The following KCNQ3 variants were observed in gnomAD, a reference collection of about 807,000 sequenced individuals.
The protein encoded by KCNQ3 is potassium voltage-gated channel subfamily KQT member 3.
KCNQ3 carries 30 observed loss-of-function variants against 92.5 expected under a neutral mutation model. The ratio of observed to expected loss-of-function variants is 0.32; its 90% confidence interval spans 0.24 to 0.44. The LOEUF (loss-of-function observed/expected upper bound fraction) is 0.44, where lower values mean the gene tolerates loss of function less well. KCNQ3 is among the 20% of genes least tolerant of loss of function. The pLI, the probability that KCNQ3 is intolerant of heterozygous loss-of-function variation, is 1.00. For synonymous variants in KCNQ3, 450 were observed against 468.8 expected (o/e 0.96, Z 0.52); for missense variants, 913 against 1,140.3 (o/e 0.80, Z 2.87).
intron 1 of KCNQ3, among the ~76,000 whole-genome samples, chr8:132,209,544 A>ACACACAC (rs1554631921): frequency 1.2e-3 from 158 of 135,458 alleles, no homozygotes; most frequent in Middle Eastern, 3.6e-3. Flanking sequence ...CACACACACA[A>ACACACAC]ACACACACAC....
intron 1 of KCNQ3, among the ~76,000 whole-genome samples, chr8:132,205,122 C>T (rs1241402631): frequency 1.3e-5 from 2 of 152,158 alleles, no homozygotes; most frequent in Admixed American, 6.5e-5. Context: ...TCTTCAAGAG[C>T]TTGTCATAGG....
chr8:132,465,816 C>T (rs576115297), intron 1 of KCNQ3, among the ~76,000 whole-genome samples: 25 of 151,610 alleles, frequency 1.6e-4, no homozygotes, highest in African/African-American at 4.6e-4. Flanking sequence ...GAGGCTGAGG[C>T]GGGAGGACTG....
At chr8:132,445,585 A>G (rs1821654222) in intron 1 of KCNQ3, among the ~76,000 whole-genome samples, 1 of 152,224 alleles carries the variant, frequency 6.6e-6, no homozygotes, top group Non-Finnish European at 1.5e-5. Flanking sequence ...AAAGCCATGA[A>G]GACATCTTCC....
chr8:132,405,619 G>C (rs1347898928), intron 1 of KCNQ3, among the ~76,000 whole-genome samples: 1 of 152,162 alleles, frequency 6.6e-6, no homozygotes, highest in Non-Finnish European at 1.5e-5. Context: ...GGTGAATGAT[G>C]GGGGGACCCT....
At chr8:132,137,413 G>A (rs777602977) in intron 12 of KCNQ3, among the ~76,000 whole-genome samples, 74 of 152,268 alleles carry the variant, frequency 4.9e-4, no homozygotes, top group African/African-American at 1.4e-3. Flanking sequence ...GTATAAACAC[G>A]CAGGTGGAGT....
At chr8:132,462,618 C>A (rs1025803611) in intron 1 of KCNQ3, among the ~76,000 whole-genome samples, 7 of 152,210 alleles carry the variant, frequency 4.6e-5, no homozygotes, top group African/African-American at 1.7e-4. Context: ...CGCATCACAG[C>A]TACTGCATTC....
chr8:132,480,886 C>T lies in KCNQ3; in HGVS notation c.-354G>A. On this transcript the variant is annotated 5_prime_UTR_variant, in exon 1 of 15. Transcript: ENST00000388996. ...AACCGGCGCTCCGGGGCGGCGGCGG[C>T]GGCGGCGGCACCCAGGCCGGCGAGC... The T allele has an allele frequency of 6.7e-6, 1 of 149,880 alleles. No individual in the cohort carries two copies. Among genetic ancestry groups the T allele is most frequent in the Non-Finnish European group, 1.4e-5 (1 of 69,752 alleles). The allele number at this position is 149,880 out of a possible 1,614,324, so 9.3% of individuals were successfully genotyped here. A position where few individuals can be genotyped will look rare whatever the true frequency, so the allele number is the denominator to read the frequency against.
At chr8:132,376,919 A>G (rs926702205) in intron 1 of KCNQ3, among the ~76,000 whole-genome samples, 3 of 152,226 alleles carry the variant, frequency 2.0e-5, no homozygotes, top group African/African-American at 7.2e-5. Flanking sequence ...AATAATTGGA[A>G]GGAGTGGGTG....
chr8:132,281,008 T>A (rs1247845174), intron 1 of KCNQ3, among the ~76,000 whole-genome samples: 1 of 152,102 alleles, frequency 6.6e-6, no homozygotes, highest in Non-Finnish European at 1.5e-5. Context: ...AAAGCAATCA[T>A]CAGGGTTATT....
intron 1 of KCNQ3, among the ~76,000 whole-genome samples, chr8:132,205,749 G>A (rs1158829499): frequency 1.3e-5 from 2 of 152,198 alleles, no homozygotes; most frequent in African/African-American, 2.4e-5. Flanking sequence ...AAAGTCCCTG[G>A]AAGACCCTCT....
chr8:132,251,719 CA>C, intron 1 of KCNQ3, among the ~76,000 whole-genome samples: 1 of 152,160 alleles, frequency 6.6e-6, no homozygotes, highest in Non-Finnish European at 1.5e-5. Flanking sequence ...ATAGGCTACT[CA>C]AGTTCTTTCT....
intron 1 of KCNQ3, among the ~76,000 whole-genome samples, chr8:132,468,833 G>A (rs371926795): frequency 1.2e-4 from 19 of 152,126 alleles, no homozygotes; most frequent in Admixed American, 3.9e-4. Flanking sequence ...CAGAGCCCAC[G>A]TATGGGATAC....
intron 1 of KCNQ3, among the ~76,000 whole-genome samples, chr8:132,361,716 G>C (rs1414690281): frequency 1.3e-5 from 2 of 151,954 alleles, no homozygotes; most frequent in Non-Finnish European, 2.9e-5. Flanking sequence ...AAAATCAAAA[G>C]AACAGAAAAA....
Position 132,180,139 on chromosome 8 carries a change from T to C in KCNQ3, c.777+18A>G. 1.2e-6 allele frequency: 2 copies of C among 1,613,782 alleles called. No homozygotes were observed. Among genetic ancestry groups the C allele is most frequent in the South Asian group, 1.1e-5 (1 of 91,072 alleles). Reference sequence around the variant, plus strand: ...GTGGGAAGCCCATGTGGTCCTGCAGTTTCTCCACCACACTTACTTTGCTGT... The same window carrying C: ...GTGGGAAGCCCATGTGGTCCTGCAGCTTCTCCACCACACTTACTTTGCTGT... On this transcript the variant is annotated intron_variant, in intron 4 of 14. Transcript: ENST00000388996.
intron 1 of KCNQ3, among the ~76,000 whole-genome samples, chr8:132,313,948 C>T (rs1000946796): frequency 6.6e-6 from 1 of 152,136 alleles, no homozygotes; most frequent in African/African-American, 2.4e-5. Flanking sequence ...TATGATTAAA[C>T]ACTTAATGAA....
At chr8:132,161,513 T>G (rs935532107) in intron 9 of KCNQ3, among the ~76,000 whole-genome samples, 13 of 151,994 alleles carry the variant, frequency 8.6e-5, no homozygotes, top group Non-Finnish European at 1.8e-4. Flanking sequence ...TCGCCTATCA[T>G]TTCATCTACT....
intron 1 of KCNQ3, among the ~76,000 whole-genome samples, chr8:132,338,480 T>G (rs1333484821): frequency 6.6e-6 from 1 of 152,172 alleles, no homozygotes; most frequent in Non-Finnish European, 1.5e-5. Flanking sequence ...ACAGGATAAG[T>G]AATTATTACT....
At chr8:132,146,455 T>C (rs952357610) in intron 9 of KCNQ3, among the ~76,000 whole-genome samples, 2 of 152,124 alleles carry the variant, frequency 1.3e-5, no homozygotes, top group Non-Finnish European at 2.9e-5. Flanking sequence ...AAACAGAAAG[T>C]AGAATGGTGG....
intron 1 of KCNQ3, among the ~76,000 whole-genome samples, chr8:132,296,724 A>AT (rs1444596167): frequency 6.6e-6 from 1 of 151,876 alleles, no homozygotes; most frequent in Non-Finnish European, 1.5e-5. Context: ...TGAACTCTTC[A>AT]TTTTTCATGG....
Sources: gnomAD v4.1 joint callset for allele counts (sites outside exome capture counted in the v4.1 genomes callset) on GRCh38, gnomAD v4.1.1 for gene constraint, MANE v1.5 for transcripts, NCBI Gene and HGNC (gene_info 2026-07-23, HGNC 2026-07-21) for gene names.